The following KIF16B variants were observed in gnomAD, a reference collection of about 807,000 sequenced individuals.
KIF16B encodes kinesin-like protein KIF16B.
A neutral mutation model predicts 156.3 loss-of-function variants in KIF16B; 98 were observed. That is an observed-to-expected ratio of 0.63 (90% CI 0.53 to 0.74). The LOEUF (loss-of-function observed/expected upper bound fraction) is 0.74. Among genes scored for constraint, KIF16B ranks in the 30% least tolerant of loss-of-function variants. The probability of loss-of-function intolerance (pLI) is 0.00; values close to 1 mark genes in which losing one functional copy is unlikely to be tolerated. For missense variants in KIF16B, 1,421 were observed against 1,606.5 expected (o/e 0.88, Z 1.97); for synonymous variants, 564 against 583.7 (o/e 0.97, Z 0.49).
intron 25 of KIF16B, among the ~76,000 whole-genome samples, chr20:16,278,128 G>A (rs2063091709): frequency 6.6e-6 from 1 of 152,220 alleles, no homozygotes; most frequent in South Asian, 2.1e-4. Flanking sequence ...AGGGGGCCTA[G>A]GAGAGGGTCT....
At position 16,313,266 on chromosome 20, in the gene KIF16B, C is replaced by A. The variant is rs1043175372; in HGVS notation, c.3712-848G>T. On this transcript the variant is annotated intron_variant, in intron 24 of 25. Transcript: ENST00000354981. ...ACAAATTGAAGCCAATGAAGCATTACCAAGAAAAAATGAGCATTTCTCCCA... is the reference window on the plus strand; with the variant it reads ...ACAAATTGAAGCCAATGAAGCATTAACAAGAAAAAATGAGCATTTCTCCCA... Among the ~76,000 whole-genome samples the A allele has an allele frequency of 5.3e-5, 8 of 152,204 alleles. No homozygotes were observed. In the East Asian group the frequency reaches 7.7e-4, roughly 15 times the overall value.
intron 16 of KIF16B, 138 bp downstream of exon 16, chr20:16,406,236 G>T: frequency 4.2e-6 from 3 of 718,494 alleles, no homozygotes; most frequent in South Asian, 1.7e-5. Flanking sequence ...AATCTCCCTA[G>T]AATCAATCCA....
rs571719174 is a variant in KIF16B at position 16,397,545 on chromosome 20, C to T, written c.1784+7268G>A. 3.3e-5 allele frequency among the ~76,000 whole-genome samples: 5 copies of T among 152,286 alleles called. No individual in the cohort carries two copies. The East Asian group carries it at 7.7e-4, about 23-fold the overall frequency. ...GGCTGTTTAGAAAATTAGTAGATGGCCTGCTGAACAGACAAAAATCACATT... is the reference window on the plus strand; with the variant it reads ...GGCTGTTTAGAAAATTAGTAGATGGTCTGCTGAACAGACAAAAATCACATT... On this transcript the variant is annotated intron_variant, in intron 17 of 25. Coordinates refer to ENST00000354981, the MANE Select transcript of KIF16B (RefSeq NM_024704.5).
intron 1 of KIF16B, among the ~76,000 whole-genome samples, chr20:16,560,436 C>T (rs999407132): frequency 6.6e-6 from 1 of 152,214 alleles, no homozygotes; most frequent in African/African-American, 2.4e-5. Flanking sequence ...GGTGAGACCA[C>T]AGGCCCCTGG....
rs575985570 is a variant in KIF16B, at chr20:16,292,567, G to C, written c.3796-19156C>G. 6.6e-5 allele frequency among the ~76,000 whole-genome samples: 10 copies of C among 152,322 alleles called. No homozygotes were observed. The South Asian group carries it at 8.3e-4, about 13-fold the overall frequency. ...GTATTTGGAAAACAAGTCTGAAAAA[G>C]AGGGAGTTAGGGGAATTGATGCATT... On this transcript the variant is annotated intron_variant, in intron 25 of 25. Transcript: ENST00000354981.
At chr20:16,294,583 A>G (rs1347719034) in intron 25 of KIF16B, among the ~76,000 whole-genome samples, 1 of 152,170 alleles carries the variant, frequency 6.6e-6, no homozygotes, top group East Asian at 1.9e-4. Flanking sequence ...AATGATCTCC[A>G]GGGCCTTGCC....
intron 15 of KIF16B, among the ~76,000 whole-genome samples, chr20:16,416,068 C>G (rs1052777981): frequency 1.3e-5 from 2 of 152,020 alleles, no homozygotes; most frequent in African/African-American, 4.8e-5. Flanking sequence ...TTTATTTTTT[C>G]TTGTAAATTT....
chr20:16,572,502 G>A (rs2071492603), intron 1 of KIF16B, among the ~76,000 whole-genome samples: 1 of 152,178 alleles, frequency 6.6e-6, no homozygotes, highest in African/African-American at 2.4e-5. Context: ...CTTTTCCAAA[G>A]AAACTTTCTA....
intron 25 of KIF16B, among the ~76,000 whole-genome samples, chr20:16,309,473 A>G (rs2063588387): frequency 1.3e-5 from 2 of 152,210 alleles, no homozygotes; most frequent in Non-Finnish European, 2.9e-5. Flanking sequence ...CGACAGTGAG[A>G]AATTTCTGTT....
chr20:16,548,547 T>C (rs2070502816), intron 1 of KIF16B, among the ~76,000 whole-genome samples: 1 of 152,160 alleles, frequency 6.6e-6, no homozygotes, highest in Non-Finnish European at 1.5e-5. Flanking sequence ...GCAAACCCTA[T>C]CGTAAATGGC....
At chr20:16,517,535 C>G (rs1236511784) in intron 3 of KIF16B, among the ~76,000 whole-genome samples, 1 of 152,154 alleles carries the variant, frequency 6.6e-6, no homozygotes, top group African/African-American at 2.4e-5. Context: ...GGGAACACAC[C>G]AGGGAGTGCC....
chr20:16,512,269 A>G (rs1161829725), intron 5 of KIF16B, among the ~76,000 whole-genome samples: 1 of 152,166 alleles, frequency 6.6e-6, no homozygotes, highest in Non-Finnish European at 1.5e-5. Flanking sequence ...TCCTCATTTT[A>G]TAGGTTAGGC....
chr20:16,458,763 AAC>A (rs370079011), intron 12 of KIF16B, among the ~76,000 whole-genome samples: 8 of 150,520 alleles, frequency 5.3e-5, no homozygotes, highest in Admixed American at 2.7e-4. Flanking sequence ...CACACATATA[AAC>A]ACACACACAC....
At chr20:16,294,016 C>T (rs1027701809) in intron 25 of KIF16B, among the ~76,000 whole-genome samples, 2 of 151,814 alleles carry the variant, frequency 1.3e-5, no homozygotes, top group Non-Finnish European at 1.5e-5. Context: ...TATAGGAATG[C>T]AATTTTAGTT....
chr20:16,527,127 A>G (rs1375700038), intron 2 of KIF16B, among the ~76,000 whole-genome samples: 4 of 152,228 alleles, frequency 2.6e-5, no homozygotes, highest in Non-Finnish European at 5.9e-5. Context: ...GGGAATGGAC[A>G]AGTGACAACT....
intron 4 of KIF16B, among the ~76,000 whole-genome samples, chr20:16,513,564 G>A (rs535241425): frequency 6.6e-6 from 1 of 151,688 alleles, no homozygotes; most frequent in African/African-American, 2.4e-5. Context: ...GTAGGCTGAG[G>A]CAGGAGAATC....
intron 15 of KIF16B, among the ~76,000 whole-genome samples, chr20:16,417,063 G>C (rs1568957710): frequency 6.6e-6 from 1 of 152,094 alleles, no homozygotes. Context: ...CGTAGACACG[G>C]AGACAGGCAT....
intron 25 of KIF16B, among the ~76,000 whole-genome samples, chr20:16,312,099 A>T (rs1478690871): frequency 2.6e-5 from 4 of 152,180 alleles, no homozygotes; most frequent in Non-Finnish European, 5.9e-5. Flanking sequence ...CCTTAGAATA[A>T]ATGCATCTTC....
At chr20:16,551,291 C>T (rs543558156) in intron 1 of KIF16B, among the ~76,000 whole-genome samples, 12 of 152,194 alleles carry the variant, frequency 7.9e-5, no homozygotes, top group Middle Eastern at 3.4e-3. Flanking sequence ...CCACCATGCC[C>T]GGCTAGTTTT....
Sources: gnomAD v4.1 joint callset for allele counts (sites outside exome capture counted in the v4.1 genomes callset) on GRCh38, gnomAD v4.1.1 for gene constraint, MANE v1.5 for transcripts, NCBI Gene and HGNC (gene_info 2026-07-23, HGNC 2026-07-21) for gene names.